Variants in TPO observed in about 807,000 individuals in gnomAD.
TPO encodes the protein thyroid peroxidase, also known as thyroid microsomal antigen.
A neutral mutation model predicts 96.9 loss-of-function variants in TPO; 78 were observed. The observed-to-expected ratio is 0.81, with a 90% CI of 0.67 to 0.97. The LOEUF is 0.97. TPO is among the 50% of genes least tolerant of loss of function. TPO has a pLI of 0.00. For missense variants in TPO, 1,252 were observed against 1,274.8 expected, an observed-to-expected ratio of 0.98 and a Z score of 0.27; for synonymous variants, 547 against 538.0, an observed-to-expected ratio of 1.02 and a Z score of -0.23.
intron 1 of TPO, among the ~76,000 whole-genome samples, chr2:1,385,107 T>G (rs1661869968): frequency 6.6e-6 from 1 of 152,254 alleles, no homozygotes; most frequent in Non-Finnish European, 1.5e-5. Flanking sequence ...TGGATTCAGT[T>G]TGCCAGTATT....
At chr2:1,387,454 A>T (rs1256519492) in intron 1 of TPO, among the ~76,000 whole-genome samples, 2 of 152,060 alleles carry the variant, frequency 1.3e-5, no homozygotes, top group Non-Finnish European at 2.9e-5. Context: ...ACTTCACTTC[A>T]TTCATTTGAT....
chr2:1,515,493 ACAGT>A lies in TPO; in HGVS notation c.2519-1386_2519-1383del, dbSNP rs374166707. Among the ~76,000 whole-genome samples, 224 of 152,332 alleles carry A rather than the reference ACAGT, an allele frequency of 1.5e-3. 1 individual carries two copies. The highest frequency in any genetic ancestry group is 5.2e-3 in the African/African-American group (218 of 41,572). ...AAGAGGACAGGATCGTTTTGGAGAA[ACAGT>A]CAGGATGCGCATTTAGGGTTTATTC... On this transcript the variant is annotated intron_variant, in intron 14 of 16. Coordinates refer to ENST00000329066, the MANE Select transcript of TPO (RefSeq NM_001206744.2).
chr2:1,518,327 A>C (rs1211456083), intron 15 of TPO, among the ~76,000 whole-genome samples: 1 of 152,236 alleles, frequency 6.6e-6, no homozygotes, highest in Non-Finnish European at 1.5e-5. Context: ...GGTTTTTAAA[A>C]ACTTGAAAGC....
chr2:1,444,038 T>A (rs1292376697), intron 5 of TPO, among the ~76,000 whole-genome samples: 15 of 124,360 alleles, frequency 1.2e-4, no homozygotes, highest in East Asian at 2.5e-4. Flanking sequence ...GGAATGGAGC[T>A]GGCTCCTTCT....
chr2:1,481,887 A>G (rs1309658969), intron 8 of TPO, among the ~76,000 whole-genome samples: 3 of 152,104 alleles, frequency 2.0e-5, no homozygotes, highest in Non-Finnish European at 4.4e-5. Context: ...CTGCAGGGAC[A>G]GCCAGGCCCC....
In TPO at chr2:1,390,067, C is replaced by T. The variant is rs369787462; in HGVS notation, n.180+15665C>T. On this transcript the variant is annotated intron_variant and non_coding_transcript_variant, in intron 1 of 5. Coordinates refer to the TPO transcript ENST00000497517. ...TAAGTTCTAGGGTACACATGCACAA[C>T]GTGCAGGTTTGATACATGGGTGTAC... is the stretch of plus-strand genomic sequence containing the variant. Among the ~76,000 whole-genome samples the T allele has an allele frequency of 5.3e-5, 8 of 150,484 alleles. No homozygotes were observed. In the East Asian group the frequency reaches 9.8e-4, roughly 18 times the overall value.
intron 1 of TPO, among the ~76,000 whole-genome samples, chr2:1,374,591 C>T (rs191427337): frequency 1.3e-5 from 2 of 152,252 alleles, no homozygotes; most frequent in African/African-American, 2.4e-5. Context: ...TTGCCCCTTT[C>T]GGGTTCTAAG....
chr2:1,378,002 T>C (rs1661748225), intron 1 of TPO, among the ~76,000 whole-genome samples: 1 of 152,184 alleles, frequency 6.6e-6, no homozygotes, highest in Non-Finnish European at 1.5e-5. Context: ...ACTGTTCTCA[T>C]AGCAGTTAAT....
At chr2:1,455,246 G>T (rs1160810258) in intron 6 of TPO, among the ~76,000 whole-genome samples, 1 of 152,186 alleles carries the variant, frequency 6.6e-6, no homozygotes, top group Admixed American at 6.5e-5. Context: ...AATCGCATCA[G>T]CAGGCTCCAA....
At chr2:1,384,513 G>A (rs1661857485) in intron 1 of TPO, among the ~76,000 whole-genome samples, 1 of 152,152 alleles carries the variant, frequency 6.6e-6, no homozygotes, top group Non-Finnish European at 1.5e-5. Context: ...CTCTTTGTTT[G>A]TGTGTTTTTG....
intron 11 of TPO, 129 bp from the exon 12 acceptor site, chr2:1,495,860 G>A (rs916503809): frequency 4.8e-6 from 5 of 1,052,470 alleles, no homozygotes; most frequent in East Asian, 2.6e-5. Context: ...TGTGGCCCCG[G>A]GTGCTGGGGG....
chr2:1,438,113 C>T (rs1025004988), intron 5 of TPO, among the ~76,000 whole-genome samples: 45 of 149,340 alleles, frequency 3.0e-4, no homozygotes, highest in Non-Finnish European at 1.3e-4. Context: ...TTGGACTACA[C>T]GGGGAGGAGC....
intron 4 of TPO, 84 bp downstream of exon 4, chr2:1,433,691 G>T (rs896378713): frequency 6.7e-5 from 102 of 1,527,264 alleles, no homozygotes; most frequent in Admixed American, 7.8e-5. Flanking sequence ...GCTTGCTCAG[G>T]GCATGTTTTT....
chr2:1,429,216 T>TCTCCTG (rs139153220), intron 3 of TPO, among the ~76,000 whole-genome samples: 3,991 of 152,170 alleles, frequency 0.026, 87 homozygotes, highest in South Asian at 0.094. Context: ...CCCACTCTAC[T>TCTCCTG]CTCCTGCTCC....
Position 1,493,839 on chromosome 2 carries a change from C to A in TPO, c.1806C>A (p.Arg602=), listed in dbSNP as rs202073365. The change falls in exon 11 of 17, where the codon CGC becomes CGA. Residue 602 remains arginine (R), a synonymous_variant. Transcript: ENST00000329066. The part of the protein sequence containing the change: ...NEWREFCGLP[R]LETPADLSTA... ...GGAGGGAGTTCTGCGGCCTGCCTCG[C>A]CTGGAGACCCCCGCTGACCTGAGCA... 1 of 1,614,102 alleles carries A rather than the reference C, an allele frequency of 6.2e-7. No individual in the cohort carries two copies. Among genetic ancestry groups the A allele is most frequent in the East Asian group, 2.2e-5 (1 of 44,868 alleles).
intron 14 of TPO, among the ~76,000 whole-genome samples, chr2:1,512,668 TACCTCCCTG>T (rs1674282707): frequency 6.6e-6 from 1 of 152,230 alleles, no homozygotes; most frequent in South Asian, 2.1e-4. Context: ...AGCTGCCGTG[TACCTCCCTG>T]ACCTCCCTGG....
intron 1 of TPO, among the ~76,000 whole-genome samples, chr2:1,402,771 G>A (rs1375850097): frequency 6.6e-6 from 1 of 152,142 alleles, no homozygotes; most frequent in Non-Finnish European, 1.5e-5. Flanking sequence ...CTCCCGCTGG[G>A]TCCCTCCCAC....
At chr2:1,378,762 C>CG (rs1008429859) in intron 1 of TPO, among the ~76,000 whole-genome samples, 10 of 152,230 alleles carry the variant, frequency 6.6e-5, no homozygotes, top group Admixed American at 6.5e-4. Flanking sequence ...GTGCACCTGG[C>CG]GGGGGGTTCG....
intron 7 of TPO, among the ~76,000 whole-genome samples, chr2:1,474,830 G>A (rs931019583): frequency 2.6e-4 from 39 of 152,114 alleles, no homozygotes; most frequent in Non-Finnish European, 4.9e-4. Context: ...TTCCACACTG[G>A]GTTGTGAAGC....
Sources: gnomAD v4.1 joint callset for allele counts (sites outside exome capture counted in the v4.1 genomes callset) on GRCh38, gnomAD v4.1.1 for gene constraint, MANE v1.5 for transcripts, NCBI Gene and HGNC (gene_info 2026-07-23, HGNC 2026-07-21) for gene names.